SRBD1: variants seen among roughly 807,000 people sequenced by gnomAD.
SRBD1 encodes the protein S1 RNA binding domain 1, also known as S1 RNA-binding domain-containing protein 1.
Under a neutral mutation model 115.3 loss-of-function variants are expected in SRBD1, and 88 were observed. The observed-to-expected ratio is 0.76, with a 90% CI of 0.64 to 0.91. The LOEUF is 0.91. Ranked by LOEUF, SRBD1 falls within the 40% of genes least tolerant of loss-of-function variation. The pLI is 0.00. For missense variants in SRBD1, 1,385 were observed against 1,177.4 expected (o/e 1.18, Z -2.58); for synonymous variants, 509 against 407.7 (o/e 1.25, Z -2.99).
chr2:45,554,836 T>A (rs566479522), intron 10 of SRBD1, among the ~76,000 whole-genome samples: 7 of 152,322 alleles, frequency 4.6e-5, no homozygotes, highest in Admixed American at 2.0e-4. Context: ...CAGACCCTGT[T>A]ACTAGATTAT....
intron 15 of SRBD1, among the ~76,000 whole-genome samples, chr2:45,482,863 AT>A (rs1446958270): frequency 6.6e-6 from 1 of 152,090 alleles, no homozygotes; most frequent in Non-Finnish European, 1.5e-5. Flanking sequence ...ATACCCTGCC[AT>A]TTACTTTAAA....
intron 4 of SRBD1, among the ~76,000 whole-genome samples, chr2:45,594,778 C>T (rs751766574): frequency 1.3e-5 from 2 of 152,098 alleles, no homozygotes; most frequent in African/African-American, 2.4e-5. Flanking sequence ...ATTTTAGTCA[C>T]CAAACTAAAA....
At chr2:45,519,336 T>C (rs1166436516) in intron 14 of SRBD1, among the ~76,000 whole-genome samples, 1 of 152,064 alleles carries the variant, frequency 6.6e-6, no homozygotes, top group African/African-American at 2.4e-5. Context: ...CCACCTCACT[T>C]CAGACCCACA....
intron 19 of SRBD1, among the ~76,000 whole-genome samples, chr2:45,412,813 T>C (rs1002410648): frequency 6.6e-6 from 1 of 152,212 alleles, no homozygotes; most frequent in Non-Finnish European, 1.5e-5. Flanking sequence ...TGCCAGGTGC[T>C]AGTCAATTGT....
intron 16 of SRBD1, among the ~76,000 whole-genome samples, chr2:45,432,222 T>C (rs1228189985): frequency 6.6e-6 from 1 of 151,976 alleles, no homozygotes; most frequent in African/African-American, 2.4e-5. Flanking sequence ...ACAGACGTGG[T>C]TTCTCCATAT....
chr2:45,555,554 G>A (rs975888980), intron 10 of SRBD1, among the ~76,000 whole-genome samples: 5 of 146,528 alleles, frequency 3.4e-5, no homozygotes, highest in Admixed American at 6.9e-5. Context: ...GCAGTGGCGC[G>A]ATCCCGGCCC....
At chr2:45,523,265 C>A (rs1671341747) in intron 14 of SRBD1, among the ~76,000 whole-genome samples, 1 of 138,210 alleles carries the variant, frequency 7.2e-6, no homozygotes, top group Non-Finnish European at 1.6e-5. Flanking sequence ...ACCTTCCACC[C>A]AAAACGCTGG....
At chr2:45,543,847 T>C (rs956687729) in intron 14 of SRBD1, among the ~76,000 whole-genome samples, 6 of 151,992 alleles carry the variant, frequency 3.9e-5, no homozygotes, top group Admixed American at 6.5e-5. Flanking sequence ...CTGTAGAAAA[T>C]AGCTACCATA....
intron 14 of SRBD1, among the ~76,000 whole-genome samples, chr2:45,542,227 G>A (rs962697299): frequency 6.6e-6 from 1 of 152,264 alleles, no homozygotes; most frequent in African/African-American, 2.4e-5. Context: ...CTCGAGTGCA[G>A]GCACACCTGT....
intron 10 of SRBD1, among the ~76,000 whole-genome samples, chr2:45,560,064 G>A (rs1050589258): frequency 6.6e-6 from 1 of 151,816 alleles, no homozygotes; most frequent in Non-Finnish European, 1.5e-5. Flanking sequence ...ATGAGTGACA[G>A]ACAGAGTGAG....
At chr2:45,545,578 G>C (rs1672091118) in intron 14 of SRBD1, among the ~76,000 whole-genome samples, 1 of 152,108 alleles carries the variant, frequency 6.6e-6, no homozygotes, top group Non-Finnish European at 1.5e-5. Flanking sequence ...AGCTACATCA[G>C]TGCTTGTGTT....
intron 16 of SRBD1, among the ~76,000 whole-genome samples, chr2:45,454,332 C>T (rs1669088315): frequency 6.6e-6 from 1 of 151,680 alleles, no homozygotes; most frequent in Non-Finnish European, 1.5e-5. Context: ...TGGTAAATTG[C>T]CATTTTATCT....
At chr2:45,599,420 C>T (rs761605162) in intron 4 of SRBD1, 29 bp downstream of exon 4, 2 of 1,592,316 alleles carry the variant, frequency 1.3e-6, no homozygotes, top group Non-Finnish European at 8.6e-7. Context: ...CTCAAAACAA[C>T]TAAAGTGACA....
At chr2:45,514,205 A>G (rs1015683055) in intron 14 of SRBD1, among the ~76,000 whole-genome samples, 4 of 152,218 alleles carry the variant, frequency 2.6e-5, no homozygotes, top group African/African-American at 7.2e-5. Flanking sequence ...AAGAAAAAGT[A>G]CATTTGAAAT....
At chr2:45,470,506 T>C (rs1178361997) in intron 16 of SRBD1, among the ~76,000 whole-genome samples, 1 of 152,214 alleles carries the variant, frequency 6.6e-6, no homozygotes, top group African/African-American at 2.4e-5. Context: ...AGCACTGTTC[T>C]GAGTCTTTCC....
intron 16 of SRBD1, among the ~76,000 whole-genome samples, chr2:45,422,473 G>A (rs1048388627): frequency 1.3e-5 from 2 of 152,124 alleles, no homozygotes; most frequent in African/African-American, 4.8e-5. Flanking sequence ...TCAGTGATTT[G>A]CCACCGGCAT....
chr2:45,510,789 AT>A (rs567053162), intron 14 of SRBD1, among the ~76,000 whole-genome samples: 3 of 152,148 alleles, frequency 2.0e-5, no homozygotes, highest in Admixed American at 6.5e-5. Flanking sequence ...AGTACAAGAA[AT>A]TTTTTTTCTA....
Position 45,585,926 on chromosome 2 carries a change from A to G in SRBD1, c.649-152T>C, listed in dbSNP as rs959747743. 25 of 586,200 alleles carry G rather than the reference A, an allele frequency of 4.3e-5. No individual in the cohort carries two copies. The African/African-American group carries it at 4.3e-4, about 10-fold the overall frequency. 36.3% of individuals were successfully genotyped at this position (586,200 alleles called of 1,614,324 possible). On this transcript the variant is annotated intron_variant, in intron 4 of 20. Transcript: ENST00000263736. ...AAAAAAAGAAAGCCATATAAAATACATGTATCCATTGACAATCATAATGGT... is the reference window on the plus strand; with the variant it reads ...AAAAAAAGAAAGCCATATAAAATACGTGTATCCATTGACAATCATAATGGT...
chr2:45,498,420 T>C (rs1352107317), intron 14 of SRBD1, among the ~76,000 whole-genome samples: 4 of 152,188 alleles, frequency 2.6e-5, no homozygotes, highest in African/African-American at 9.7e-5. Context: ...AATTACTTGA[T>C]ATATAACTGT....
Sources: gnomAD v4.1 joint callset for allele counts (sites outside exome capture counted in the v4.1 genomes callset) on GRCh38, gnomAD v4.1.1 for gene constraint, MANE v1.5 for transcripts, NCBI Gene and HGNC (gene_info 2026-07-23, HGNC 2026-07-21) for gene names.